Variants in LDB2 observed in about 807,000 individuals in gnomAD.
LDB2 encodes the protein LIM domain binding 2.
A neutral mutation model predicts 44.3 loss-of-function variants in LDB2; 12 were observed. That is an observed-to-expected ratio of 0.27 (90% CI 0.17 to 0.44). The LOEUF (loss-of-function observed/expected upper bound fraction) is 0.44, where lower values mean the gene tolerates loss of function less well. LDB2 is among the 20% of genes least tolerant of loss of function. LDB2 has a pLI of 1.00. For synonymous variants in LDB2, 164 were observed against 174.8 expected, an observed-to-expected ratio of 0.94 and a Z score of 0.49; for missense variants, 344 against 473.5, an observed-to-expected ratio of 0.73 and a Z score of 2.54.
intron 2 of LDB2, among the ~76,000 whole-genome samples, chr4:16,666,731 T>C (rs1743347473): frequency 6.6e-6 from 1 of 152,148 alleles, no homozygotes; most frequent in South Asian, 2.1e-4. Flanking sequence ...ATCTAAAAAA[T>C]GAAGAGAATC....
At position 16,571,453 on chromosome 4, in the gene LDB2, C is replaced by CAA. The variant is rs34875159; in HGVS notation, c.615+14467_615+14468dup. The stretch of plus-strand genomic sequence containing the variant: ...TCCATTGCATCTGTGGGCAATTCGG[C>CAA]AAAAAAAAAAAAGCCTGGTCATCTC... On this transcript the variant is annotated intron_variant, in intron 5 of 7. Coordinates refer to ENST00000304523, the MANE Select transcript of LDB2 (RefSeq NM_001290.5). Among the ~76,000 whole-genome samples the CAA allele has an allele frequency of 6.0e-3, 827 of 138,184 alleles. 5 individuals carry two copies. The highest frequency in any genetic ancestry group is 0.02 in the African/African-American group (731 of 35,988). 90.7% of individuals were successfully genotyped at this position (138,184 alleles called of 152,430 possible). A position where few individuals can be genotyped will look rare whatever the true frequency, so the allele number is the denominator to read the frequency against.
intron 2 of LDB2, among the ~76,000 whole-genome samples, chr4:16,701,253 C>A (rs189290099): frequency 5.3e-5 from 8 of 152,166 alleles, no homozygotes; most frequent in African/African-American, 1.9e-4. Context: ...TATCAGTGCT[C>A]AATAGATAAC....
At chr4:16,638,397 GTATT>G (rs1398795639) in intron 2 of LDB2, among the ~76,000 whole-genome samples, 1 of 152,198 alleles carries the variant, frequency 6.6e-6, no homozygotes, top group Non-Finnish European at 1.5e-5. Context: ...CGCTTTGGAA[GTATT>G]TGCTGAATGA....
At chr4:16,681,856 C>T (rs1429914262) in intron 2 of LDB2, among the ~76,000 whole-genome samples, 4 of 151,936 alleles carry the variant, frequency 2.6e-5, no homozygotes, top group South Asian at 4.2e-4. Flanking sequence ...CAGGCGTGAG[C>T]GACTGTGCCC....
intron 2 of LDB2, among the ~76,000 whole-genome samples, chr4:16,718,996 C>G (rs1452700755): frequency 1.3e-5 from 2 of 151,062 alleles, no homozygotes; most frequent in African/African-American, 4.9e-5. Flanking sequence ...CACGTTGTAG[C>G]AAATTGTACA....
In LDB2 at chr4:16,898,493, G is replaced by A. The variant is rs773140733; in HGVS notation, c.-8C>T. Reference sequence around the variant, plus strand: ...ATGTGGTGTGCTGGACATCTTGCCTGCTTTTCGAAAATCAAGCTAAACAGA... The same window carrying A: ...ATGTGGTGTGCTGGACATCTTGCCTACTTTTCGAAAATCAAGCTAAACAGA... On this transcript the variant is annotated 5_prime_UTR_variant, in exon 1 of 8. The change creates a premature stop within an existing upstream ORF in the 5' untranslated region. Transcript: ENST00000304523. 3.8e-5 allele frequency: 61 copies of A among 1,613,060 alleles called. No homozygotes were observed. The highest frequency in any genetic ancestry group is 4.7e-5 in the Non-Finnish European group (55 of 1,179,576).
At chr4:16,833,494 T>A in intron 1 of LDB2, among the ~76,000 whole-genome samples, 1 of 151,894 alleles carries the variant, frequency 6.6e-6, no homozygotes, top group East Asian at 1.9e-4. Context: ...CCTTTCACAC[T>A]AACAATATGA....
chr4:16,697,798 C>G (rs375788997), intron 2 of LDB2, among the ~76,000 whole-genome samples: 58 of 152,282 alleles, frequency 3.8e-4, no homozygotes, highest in African/African-American at 1.4e-3. Context: ...CAAGTTGACA[C>G]TCCAGTAGGG....
intron 1 of LDB2, among the ~76,000 whole-genome samples, chr4:16,891,569 C>T (rs1219563324): frequency 6.6e-6 from 1 of 152,008 alleles, no homozygotes; most frequent in African/African-American, 2.4e-5. Flanking sequence ...CCCCAGCTTC[C>T]CAAAGTGCTG....
intron 2 of LDB2, among the ~76,000 whole-genome samples, chr4:16,636,414 C>A (rs1173794506): frequency 6.6e-6 from 1 of 152,202 alleles, no homozygotes; most frequent in Non-Finnish European, 1.5e-5. Context: ...AAAGATGACA[C>A]CTAACAGGCA....
chr4:16,898,262 C>G lies in LDB2; in HGVS notation c.132+92G>C, dbSNP rs1330073099. 5.4e-6 allele frequency: 7 copies of G among 1,303,506 alleles called. No individual in the cohort carries two copies. In the Admixed American group the frequency reaches 1.1e-4, roughly 21 times the overall value. 80.7% of individuals were successfully genotyped at this position (1,303,506 alleles called of 1,614,324 possible). On this transcript the variant is annotated intron_variant, in intron 1 of 7. Coordinates refer to ENST00000304523, the MANE Select transcript of LDB2 (RefSeq NM_001290.5). Reference sequence around the variant, plus strand: ...GTACGTGGTAGTATCAAGTGGGACACTTCCCATAGAATTCAGCCAGAAACC... The same window carrying G: ...GTACGTGGTAGTATCAAGTGGGACAGTTCCCATAGAATTCAGCCAGAAACC...
At chr4:16,640,632 C>G (rs1170020412) in intron 2 of LDB2, among the ~76,000 whole-genome samples, 1 of 152,172 alleles carries the variant, frequency 6.6e-6, no homozygotes, top group Non-Finnish European at 1.5e-5. Context: ...ATCCGCACAG[C>G]AAAATCTATG....
chr4:16,599,177 A>G (rs1721885384), intron 2 of LDB2, among the ~76,000 whole-genome samples: 2 of 152,130 alleles, frequency 1.3e-5, no homozygotes, highest in African/African-American at 4.8e-5. Context: ...TTATTATTTC[A>G]TAGTCCCGAC....
chr4:16,886,457 T>G (rs1721715221), intron 1 of LDB2, among the ~76,000 whole-genome samples: 1 of 152,154 alleles, frequency 6.6e-6, no homozygotes, highest in Non-Finnish European at 1.5e-5. Context: ...AAGTAAAGAT[T>G]TATGTATATG....
Position 16,675,918 on chromosome 4 carries a change from A to G in LDB2, c.236-80043T>C, listed in dbSNP as rs1052313344. On this transcript the variant is annotated intron_variant, in intron 2 of 7. Coordinates refer to ENST00000304523, the MANE Select transcript of LDB2 (RefSeq NM_001290.5). ...ATCACATGGAATTCCATTAAATGAC[A>G]TATATCTGTTTGTGCCTGATTAAAC... is the stretch of plus-strand genomic sequence containing the variant. 3.9e-5 allele frequency among the ~76,000 whole-genome samples: 6 copies of G among 152,238 alleles called. No individual in the cohort carries two copies. The East Asian group carries it at 1.2e-3, about 29-fold the overall frequency.
At chr4:16,858,685 G>A (rs1169643048) in intron 1 of LDB2, among the ~76,000 whole-genome samples, 1 of 152,212 alleles carries the variant, frequency 6.6e-6, no homozygotes, top group Non-Finnish European at 1.5e-5. Context: ...TGGGGGTATT[G>A]TTGGAGCTTC....
chr4:16,779,235 T>C (rs1772630419), intron 1 of LDB2, among the ~76,000 whole-genome samples: 1 of 152,180 alleles, frequency 6.6e-6, no homozygotes, highest in South Asian at 2.1e-4. Flanking sequence ...ATGAGCAATG[T>C]TTATGCAATT....
At chr4:16,820,107 G>A (rs1343195007) in intron 1 of LDB2, among the ~76,000 whole-genome samples, 3 of 152,076 alleles carry the variant, frequency 2.0e-5, no homozygotes, top group African/African-American at 7.2e-5. Context: ...TAGTACATGA[G>A]GAATAAAGTT....
chr4:16,636,284 C>G (rs995539379), intron 2 of LDB2, among the ~76,000 whole-genome samples: 1 of 152,170 alleles, frequency 6.6e-6, no homozygotes, highest in African/African-American at 2.4e-5. Flanking sequence ...ATAAGGAAAA[C>G]CACACAAATG....
Sources: allele counts gnomAD v4.1 joint callset (sites outside exome capture counted in the v4.1 genomes callset), GRCh38; gene constraint gnomAD v4.1.1; transcripts MANE v1.5; gene names NCBI Gene and HGNC (gene_info 2026-07-23, HGNC 2026-07-21).